The following ATRNL1 variants were observed in gnomAD, a reference collection of about 807,000 sequenced individuals.
The protein encoded by ATRNL1 is attractin-like protein 1.
ATRNL1 carries 95 observed loss-of-function variants against 182.7 expected under a neutral mutation model. That is an observed-to-expected ratio of 0.52 (90% CI 0.44 to 0.62). ATRNL1 has a LOEUF of 0.62. Ranked by LOEUF, ATRNL1 falls within the 20% of genes least tolerant of loss-of-function variation. The pLI is 0.00. For synonymous variants in ATRNL1, 576 were observed against 568.3 expected (o/e 1.01, Z -0.19); for missense variants, 1,471 against 1,679.5 (o/e 0.88, Z 2.17).
At position 115,213,221 on chromosome 10, in the gene ATRNL1, A is replaced by G. The variant is rs542962899; in HGVS notation, c.1349-2476A>G. On this transcript the variant is annotated intron_variant, in intron 8 of 28. Transcript: ENST00000355044. ...TTCATAGTGGGAGTCTCTGGGTTCT[A>G]TTTTAAATCTTTTATCTTAGCAGGT... Among the ~76,000 whole-genome samples, 7 of 152,014 alleles carry G rather than the reference A, an allele frequency of 4.6e-5. No individual in the cohort carries two copies. In the South Asian group the frequency reaches 8.3e-4, roughly 18 times the overall value.
chr10:115,438,268 A>G (rs1007861493), intron 21 of ATRNL1, among the ~76,000 whole-genome samples: 2 of 152,008 alleles, frequency 1.3e-5, no homozygotes, highest in South Asian at 4.1e-4. Flanking sequence ...CATCTCAGAT[A>G]TAAAGATATT....
intron 27 of ATRNL1, among the ~76,000 whole-genome samples, chr10:115,841,445 GA>G (rs1555097111): frequency 6.6e-6 from 1 of 152,092 alleles, no homozygotes; most frequent in Non-Finnish European, 1.5e-5. Context: ...GATTGAACTT[GA>G]AGGCATTTCA....
chr10:115,559,429 T>G (rs1402430398), intron 26 of ATRNL1, among the ~76,000 whole-genome samples: 1 of 107,046 alleles, frequency 9.3e-6, no homozygotes. Context: ...TGTGTGTGTG[T>G]GTGTGTGTGT....
intron 20 of ATRNL1, among the ~76,000 whole-genome samples, chr10:115,396,867 A>G (rs1408656840): frequency 6.6e-6 from 1 of 151,988 alleles, no homozygotes; most frequent in Admixed American, 6.6e-5. Context: ...ATAGAGTTAT[A>G]AGATTTGGCA....
At chr10:115,266,704 G>T (rs1326652597) in intron 11 of ATRNL1, 93 bp from the exon 12 acceptor site, 12 of 691,174 alleles carry the variant, frequency 1.7e-5, no homozygotes, top group Non-Finnish European at 2.9e-5. Flanking sequence ...AGTATAAAAT[G>T]TATATTTAAA....
At chr10:115,724,548 T>C (rs1359495942) in intron 26 of ATRNL1, among the ~76,000 whole-genome samples, 2 of 152,214 alleles carry the variant, frequency 1.3e-5, no homozygotes, top group African/African-American at 4.8e-5. Context: ...TTAAAGATAC[T>C]ATTGCTATTC....
intron 28 of ATRNL1, among the ~76,000 whole-genome samples, chr10:115,850,507 C>T (rs913677803): frequency 2.0e-5 from 3 of 152,092 alleles, no homozygotes; most frequent in Non-Finnish European, 4.4e-5. Flanking sequence ...GAAATATATC[C>T]CAGTGATTAT....
At chr10:115,164,328 G>T (rs782596011) in intron 6 of ATRNL1, among the ~76,000 whole-genome samples, 8 of 152,054 alleles carry the variant, frequency 5.3e-5, no homozygotes, top group Non-Finnish European at 8.8e-5. Flanking sequence ...CTATATTTGT[G>T]CATAGGAAAT....
At position 115,389,538 on chromosome 10, in the gene ATRNL1, GTGTATATATATATATATATATA is replaced by G. The variant is rs1415298643; in HGVS notation, c.3176-5119_3176-5098del. 1.1e-3 allele frequency among the ~76,000 whole-genome samples: 59 copies of G among 51,406 alleles called. 5 individuals carry two copies. The highest frequency in any genetic ancestry group is 4.6e-3 in the African/African-American group (46 of 10,012). The allele number at this position is 51,406 out of a possible 152,430, so 33.7% of individuals were successfully genotyped here. A position where few individuals can be genotyped will look rare whatever the true frequency, so the allele number is the denominator to read the frequency against. On this transcript the variant is annotated intron_variant, in intron 19 of 28. Coordinates refer to ENST00000355044, the MANE Select transcript of ATRNL1 (RefSeq NM_207303.4). ...AGCTGAATAGTATTCAAATGTGTAT[GTGTATATATATATATATATATA>G]TATATATATATATATATATATATAT...
intron 19 of ATRNL1, among the ~76,000 whole-genome samples, chr10:115,380,122 G>A (rs993950008): frequency 2.6e-5 from 4 of 152,112 alleles, no homozygotes; most frequent in African/African-American, 2.4e-5. Flanking sequence ...GAGCCGCCGC[G>A]CCTGGCCAAC....
intron 24 of ATRNL1, among the ~76,000 whole-genome samples, chr10:115,482,237 G>A (rs1311694022): frequency 1.3e-5 from 2 of 151,014 alleles, no homozygotes; most frequent in East Asian, 3.9e-4. Flanking sequence ...GAGGATTACA[G>A]CAATTCTTTA....
chr10:115,829,854 A>G (rs1950520332), intron 27 of ATRNL1, among the ~76,000 whole-genome samples: 1 of 152,150 alleles, frequency 6.6e-6, no homozygotes, highest in South Asian at 2.1e-4. Context: ...TTACAAACAC[A>G]GCAATGCCAC....
intron 17 of ATRNL1, among the ~76,000 whole-genome samples, chr10:115,308,954 G>A (rs1853876219): frequency 1.3e-5 from 2 of 152,016 alleles, no homozygotes; most frequent in South Asian, 4.1e-4. Flanking sequence ...CATAGATTCA[G>A]TTTCATTCTT....
chr10:115,588,370 C>G (rs1461881498), intron 26 of ATRNL1, among the ~76,000 whole-genome samples: 1 of 152,184 alleles, frequency 6.6e-6, no homozygotes, highest in Non-Finnish European at 1.5e-5. Context: ...ATAGAGAGGT[C>G]AGAGCATTGT....
chr10:115,380,638 C>T (rs1857945932), intron 19 of ATRNL1, among the ~76,000 whole-genome samples: 1 of 152,132 alleles, frequency 6.6e-6, no homozygotes, highest in Non-Finnish European at 1.5e-5. Context: ...AATATGTGAT[C>T]TTTCATGACT....
intron 1 of ATRNL1, among the ~76,000 whole-genome samples, chr10:115,102,131 G>C (rs1843793872): frequency 6.6e-6 from 1 of 152,066 alleles, no homozygotes; most frequent in East Asian, 1.9e-4. Flanking sequence ...GTATTTACCT[G>C]TTTGTCCCTG....
intron 19 of ATRNL1, among the ~76,000 whole-genome samples, chr10:115,377,285 G>A (rs965794965): frequency 5.3e-5 from 8 of 152,040 alleles, no homozygotes; most frequent in Non-Finnish European, 7.4e-5. Context: ...TAAGTCTCAC[G>A]AGGTCTGATG....
At chr10:115,891,978 C>T (rs561992161) in intron 28 of ATRNL1, among the ~76,000 whole-genome samples, 2 of 152,072 alleles carry the variant, frequency 1.3e-5, no homozygotes, top group Non-Finnish European at 2.9e-5. Flanking sequence ...ATGGTAGATG[C>T]AGGGTAAGAA....
At chr10:115,733,096 A>G (rs1042904207) in intron 27 of ATRNL1, among the ~76,000 whole-genome samples, 5 of 152,180 alleles carry the variant, frequency 3.3e-5, no homozygotes, top group African/African-American at 9.7e-5. Context: ...ATGCTAATAA[A>G]GTAACAGTTC....
Sources: gnomAD v4.1 joint callset for allele counts (sites outside exome capture counted in the v4.1 genomes callset) on GRCh38, gnomAD v4.1.1 for gene constraint, MANE v1.5 for transcripts, NCBI Gene and HGNC (gene_info 2026-07-23, HGNC 2026-07-21) for gene names.